The following GASK1A variants were observed in gnomAD, a reference collection of about 807,000 sequenced individuals.
GASK1A encodes the protein golgi associated kinase 1A.
GASK1A carries 40 observed loss-of-function variants against 41.2 expected under a neutral mutation model. That is an observed-to-expected ratio of 0.97 (90% CI 0.75 to 1.27). The LOEUF is 1.27. GASK1A is among the 50% of genes most tolerant of loss of function. GASK1A has a pLI of 0.00. For missense variants in GASK1A, 678 were observed against 745.1 expected (o/e 0.91, Z 1.05); for synonymous variants, 316 against 307.1 (o/e 1.03, Z -0.30).
intron 1 of GASK1A, among the ~76,000 whole-genome samples, chr3:43,012,895 CAG>C (rs1364142038): frequency 7.4e-6 from 1 of 135,582 alleles, no homozygotes; most frequent in Non-Finnish European, 1.6e-5. Context: ...TATGTGAAGT[CAG>C]AGAAAGGGGG....
chr3:43,016,199 G>A (rs1201176189), intron 1 of GASK1A, among the ~76,000 whole-genome samples: 1 of 152,010 alleles, frequency 6.6e-6, no homozygotes, highest in African/African-American at 2.4e-5. Flanking sequence ...CATAGGAAGG[G>A]GCAGTGTGAA....
chr3:43,029,490 G>A (rs2089564255), intron 1 of GASK1A, among the ~76,000 whole-genome samples: 1 of 152,138 alleles, frequency 6.6e-6, no homozygotes, highest in Non-Finnish European at 1.5e-5. Context: ...TCCACCAAGA[G>A]CTAGAATCAC....
chr3:43,015,460 GT>G (rs1192651058), intron 1 of GASK1A, among the ~76,000 whole-genome samples: 8 of 151,632 alleles, frequency 5.3e-5, no homozygotes, highest in Admixed American at 3.9e-4. Flanking sequence ...AAGGGGCAGT[GT>G]GAAGTCACAG....
intron 1 of GASK1A, among the ~76,000 whole-genome samples, chr3:43,024,019 C>T (rs1044865858): frequency 2.0e-5 from 3 of 152,060 alleles, no homozygotes; most frequent in East Asian, 1.9e-4. Context: ...TCGGGGGCCA[C>T]GGGGACATAA....
intron 3 of GASK1A, among the ~76,000 whole-genome samples, chr3:43,054,844 G>A (rs973366644): frequency 2.0e-5 from 3 of 152,212 alleles, no homozygotes; most frequent in African/African-American, 7.2e-5. Context: ...GAGGATAAAG[G>A]ATATGTCTGT....
chr3:43,007,044 G>A (rs1484340378), intron 1 of GASK1A, among the ~76,000 whole-genome samples: 1 of 152,198 alleles, frequency 6.6e-6, no homozygotes, highest in Non-Finnish European at 1.5e-5. Context: ...GCCAAGTGGT[G>A]AAGCTCAGGA....
intron 1 of GASK1A, among the ~76,000 whole-genome samples, chr3:43,030,830 T>G (rs1050702836): frequency 1.3e-5 from 2 of 151,918 alleles, no homozygotes; most frequent in Non-Finnish European, 2.9e-5. Context: ...GGGTGGATTG[T>G]GGGGGATAGA....
intron 1 of GASK1A, among the ~76,000 whole-genome samples, chr3:42,997,440 G>GT (rs1409880056): frequency 2.6e-5 from 4 of 151,002 alleles, no homozygotes; most frequent in Non-Finnish European, 5.9e-5. Flanking sequence ...CAGAGAGAGG[G>GT]GGGGGGGATC....
intron 3 of GASK1A, among the ~76,000 whole-genome samples, chr3:43,055,048 C>A (rs1281965988): frequency 6.6e-6 from 1 of 152,230 alleles, no homozygotes; most frequent in African/African-American, 2.4e-5. Flanking sequence ...AAAATAGGAT[C>A]AGTCCTTTGG....
chr3:42,979,386 T>G lies in GASK1A; in HGVS notation c.-257T>G, dbSNP rs1430223822. The G allele has an allele frequency of 2.5e-6, 1 of 392,788 alleles. No individual in the cohort carries two copies. The highest frequency in any genetic ancestry group is 2.1e-5 in the African/African-American group (1 of 48,434). The allele number at this position is 392,788 out of a possible 1,614,324, so 24.3% of individuals were successfully genotyped here. On this transcript the variant is annotated 5_prime_UTR_variant, in exon 1 of 5. Transcript: ENST00000430121. ...GCGGGTAGGCTCCCTCAGATCCCCG[T>G]AGATCTCAGTAGATCCGGCGTGTAT...
Position 43,053,560 on chromosome 3 carries a change from C to T in GASK1A, c.1330C>T (p.Pro444Ser), listed in dbSNP as rs2089700934. 2 of 1,551,654 alleles carry T rather than the reference C, an allele frequency of 1.3e-6. No individual in the cohort carries two copies. Among genetic ancestry groups the T allele is most frequent in the South Asian group, 1.2e-5 (1 of 84,060 alleles). Residue 444 changes from proline to serine, a missense_variant, in exon 3 of 5, where the codon CCT (proline) becomes TCT (serine). Physicochemically the swap from Pro to Ser is moderately conservative, Grantham distance 74. Coordinates refer to ENST00000430121, the MANE Select transcript of GASK1A (RefSeq NM_001129908.3). ...GGATCGCTACTGCTGTGGCTTCGAG[C>T]CTGAGCCCTCAGACCCCTGTGTGGA... Reference protein sequence around the residue: ...RLDRYCCGFEPEPSDPCVEER... With the variant: ...RLDRYCCGFESEPSDPCVEER...
At chr3:43,049,298 G>A (rs2089677560) in intron 2 of GASK1A, among the ~76,000 whole-genome samples, 1 of 146,370 alleles carries the variant, frequency 6.8e-6, no homozygotes, top group Admixed American at 6.7e-5. Flanking sequence ...ATATAGAGAT[G>A]TATCAATAGA....
At chr3:43,031,687 A>C (rs1160284807) in intron 1 of GASK1A, among the ~76,000 whole-genome samples, 1 of 152,236 alleles carries the variant, frequency 6.6e-6, no homozygotes, top group Non-Finnish European at 1.5e-5. Context: ...GAGAAAGGCC[A>C]GGGTGGCTAA....
intron 1 of GASK1A, among the ~76,000 whole-genome samples, chr3:43,013,117 T>G: frequency 7.4e-6 from 1 of 135,506 alleles, no homozygotes; most frequent in African/African-American, 2.9e-5. Flanking sequence ...AAGGAGTGTG[T>G]GAAGCCACTG....
At chr3:43,021,669 G>T (rs1553615071) in intron 1 of GASK1A, among the ~76,000 whole-genome samples, 1 of 152,206 alleles carries the variant, frequency 6.6e-6, no homozygotes, top group Non-Finnish European at 1.5e-5. Flanking sequence ...GGAGGGAGAA[G>T]ATATCTCTTT....
Position 43,057,655 on chromosome 3 carries a change from A to G in GASK1A, c.*1269A>G, listed in dbSNP as rs959895092. The G allele has an allele frequency of 6.6e-6, 1 of 152,166 alleles. No homozygotes were observed. The highest frequency in any genetic ancestry group is 1.5e-5 in the Non-Finnish European group (1 of 68,038). 9.4% of individuals were successfully genotyped at this position (152,166 alleles called of 1,614,324 possible). On this transcript the variant is annotated 3_prime_UTR_variant, in exon 5 of 5. Transcript: ENST00000430121. ...TAATTTGTTGGAAATCTTTGACTCT[A>G]ATAAGTGTGATCAATCTTTTCTCTG...
intron 1 of GASK1A, among the ~76,000 whole-genome samples, chr3:43,007,169 C>G (rs950883795): frequency 1.1e-4 from 16 of 152,160 alleles, no homozygotes; most frequent in Admixed American, 9.8e-4. Flanking sequence ...GTGATCTCAT[C>G]AAAATACAAG....
intron 1 of GASK1A, among the ~76,000 whole-genome samples, chr3:43,013,969 A>T (rs1393811271): frequency 1.3e-5 from 2 of 151,354 alleles, no homozygotes; most frequent in Non-Finnish European, 2.9e-5. Flanking sequence ...ATGTGAAGCC[A>T]CAGGAAGGGG....
Position 43,033,473 on chromosome 3 carries a change from A to G in GASK1A, c.1210A>G (p.Asn404Asp). The G allele has an allele frequency of 6.4e-7, 1 of 1,550,894 alleles. No individual in the cohort carries two copies. The highest frequency in any genetic ancestry group is 8.7e-7 in the Non-Finnish European group (1 of 1,146,962). ...TCAGGCCCTGCTGGCACACAGCTGC[A>G]ACTGGCCAGGCCAGGCCCCGTGCCC... is the stretch of plus-strand genomic sequence containing the variant. ...QYQALLAHSCNWPGQAPCPGI... is the reference protein window; with the variant it reads ...QYQALLAHSCDWPGQAPCPGI... Residue 404 changes from asparagine to aspartate, a missense_variant, in exon 2 of 5, where the codon AAC (asparagine) becomes GAC (aspartate). Physicochemically the swap from Asn to Asp is conservative, Grantham distance 23. Coordinates refer to ENST00000430121, the MANE Select transcript of GASK1A (RefSeq NM_001129908.3).
Sources: gnomAD v4.1 joint callset for allele counts (sites outside exome capture counted in the v4.1 genomes callset) on GRCh38, gnomAD v4.1.1 for gene constraint, MANE v1.5 for transcripts, NCBI Gene and HGNC (gene_info 2026-07-23, HGNC 2026-07-21) for gene names.